INMT: variants seen among roughly 807,000 people sequenced by gnomAD.
INMT encodes amine N-methyltransferase.
Under a neutral mutation model 11.5 loss-of-function variants are expected in INMT, and 11 were observed. The ratio of observed to expected loss-of-function variants is 0.95; its 90% CI spans 0.60 to 1.58. The LOEUF (loss-of-function observed/expected upper bound fraction) is 1.58, where lower values mean the gene tolerates loss of function less well. Among genes scored for constraint, INMT ranks in the 40% most tolerant of loss-of-function variants. The pLI, the probability that INMT is intolerant of heterozygous loss-of-function variation, is 0.00. For synonymous variants in INMT, 155 were observed against 142.9 expected (o/e 1.08, Z -0.60); for missense variants, 316 against 336.1 (o/e 0.94, Z 0.47).
rs58472657 is a variant in INMT at position 30,756,402 on chromosome 7, A to ATTTTTTTTTTTTTTTTTT, written c.*553_*570dup. Reference sequence around the variant, plus strand: ...AGGAGCTCGCCACCACACCCAGCTAATTTTTTTTTTTTTTTTTTTATTTGA... The same window carrying ATTTTTTTTTTTTTTTTTT: ...AGGAGCTCGCCACCACACCCAGCTAATTTTTTTTTTTTTTTTTTTTTTTTTTTTTTTTTTTTTATTTGA... On this transcript the variant is annotated 3_prime_UTR_variant, in exon 3 of 3. Coordinates refer to ENST00000013222, the MANE Select transcript of INMT (RefSeq NM_006774.5). The ATTTTTTTTTTTTTTTTTT allele has an allele frequency of 2.4e-4, 23 of 95,610 alleles. 1 individual carries two copies. Among genetic ancestry groups the ATTTTTTTTTTTTTTTTTT allele is most frequent in the African/African-American group, 1.0e-3 (23 of 22,376 alleles). 5.9% of individuals were successfully genotyped at this position (95,610 alleles called of 1,614,324 possible).
chr7:30,757,488 A>C lies in INMT; in HGVS notation c.*1637A>C. ...CTGAAGGCAAGGGAGAGCAGGCTGC[A>C]CAGCTGTGTGTGGAAGCCACGGGCT... On this transcript the variant is annotated 3_prime_UTR_variant, in exon 3 of 3. Transcript: ENST00000013222. The C allele has an allele frequency of 5.7e-6, 1 of 175,492 alleles. No individual in the cohort carries two copies. The highest frequency in any genetic ancestry group is 1.1e-4 in the South Asian group (1 of 9,116). The allele number at this position is 175,492 out of a possible 1,614,324, so 10.9% of individuals were successfully genotyped here. A position where few individuals can be genotyped will look rare whatever the true frequency, so the allele number is the denominator to read the frequency against.
Position 30,756,734 on chromosome 7 carries a change from A to G in INMT, c.*883A>G, listed in dbSNP as rs1786273286. The G allele has an allele frequency of 6.6e-6, 1 of 152,242 alleles. No individual in the cohort carries two copies. The highest frequency in any genetic ancestry group is 6.5e-5 in the Admixed American group (1 of 15,276). 9.4% of individuals were successfully genotyped at this position (152,242 alleles called of 1,614,324 possible). On this transcript the variant is annotated 3_prime_UTR_variant, in exon 3 of 3. Transcript: ENST00000013222. ...GGGAATGTTCTATAACCAGCTCTGT[A>G]AAGGAAAAGCACTGATGTGTGGTAG...
In INMT at chr7:30,756,083, C is replaced by A; in HGVS notation, c.*232C>A. 1 of 1,348,868 alleles carries A rather than the reference C, an allele frequency of 7.4e-7. No individual in the cohort carries two copies. The highest frequency in any genetic ancestry group is 9.5e-7 in the Non-Finnish European group (1 of 1,051,060). The allele number at this position is 1,348,868 out of a possible 1,614,324, so 83.6% of individuals were successfully genotyped here. On this transcript the variant is annotated 3_prime_UTR_variant, in exon 3 of 3. Transcript: ENST00000013222. ...CCATTTTCTAATATACTAAGCCTTA[C>A]AGCTATCTTAGATGCGATCTGACTC...
intron 1 of INMT, 98 bp downstream of exon 1, chr7:30,752,402 G>C: frequency 3.0e-6 from 3 of 1,011,152 alleles, no homozygotes; most frequent in Non-Finnish European, 4.4e-6. Context: ...CTCCTCTAGG[G>C]GTTTTTGGGG....
At position 30,755,801 on chromosome 7, in the gene INMT, GC is replaced by G. The variant is rs1786227806; in HGVS notation, c.744del (p.Asn249ThrfsTer28). 1 of 1,614,014 alleles carries G rather than the reference GC, an allele frequency of 6.2e-7. No homozygotes were observed. Among genetic ancestry groups the G allele is most frequent in the African/African-American group, 1.3e-5 (1 of 75,056 alleles). ...CCAGAGCTACTCTGTCACCAATGCT[GC>G]CAACAATGGGGTCTGCTTCATTGTG... is the stretch of plus-strand genomic sequence containing the variant. ...SPQSYSVTNA[A>X]NNGVCFIVAR... is the part of the protein sequence containing the mutation. On this transcript the variant is annotated frameshift_variant, in exon 3 of 3. Transcript: ENST00000013222. LOFTEE classifies it low-confidence loss of function (END_TRUNC).
chr7:30,756,402 A>ATTTTTTTTTTTTTTTTT lies in INMT; in HGVS notation c.*554_*570dup, dbSNP rs58472657. The ATTTTTTTTTTTTTTTTT allele has an allele frequency of 5.4e-4, 52 of 95,602 alleles. 1 individual carries two copies. Among genetic ancestry groups the ATTTTTTTTTTTTTTTTT allele is most frequent in the African/African-American group, 2.2e-3 (50 of 22,368 alleles). 5.9% of individuals were successfully genotyped at this position (95,602 alleles called of 1,614,324 possible). On this transcript the variant is annotated 3_prime_UTR_variant, in exon 3 of 3. Coordinates refer to ENST00000013222, the MANE Select transcript of INMT (RefSeq NM_006774.5). Reference sequence around the variant, plus strand: ...AGGAGCTCGCCACCACACCCAGCTAATTTTTTTTTTTTTTTTTTTATTTGA... The same window carrying ATTTTTTTTTTTTTTTTT: ...AGGAGCTCGCCACCACACCCAGCTAATTTTTTTTTTTTTTTTTTTTTTTTTTTTTTTTTTTTATTTGA...
chr7:30,752,862 G>A (rs530327534), intron 1 of INMT, among the ~76,000 whole-genome samples: 3 of 152,238 alleles, frequency 2.0e-5, no homozygotes, highest in South Asian at 2.1e-4. Flanking sequence ...CCTGTCTCCC[G>A]ATGATCACTG....
rs58472657 is a variant in INMT at position 30,756,402 on chromosome 7, A to ATTTTTTTTTTTTTTTTTTTTTTTTTTTTT, written c.*570_*571insTTTTTTTTTTTTTTTTTTTTTTTTTTTTT. The ATTTTTTTTTTTTTTTTTTTTTTTTTTTTT allele has an allele frequency of 1.0e-5, 1 of 95,636 alleles. No individual in the cohort carries two copies. Among genetic ancestry groups the ATTTTTTTTTTTTTTTTTTTTTTTTTTTTT allele is most frequent in the African/African-American group, 4.5e-5 (1 of 22,344 alleles). 5.9% of individuals were successfully genotyped at this position (95,636 alleles called of 1,614,324 possible). A position where few individuals can be genotyped will look rare whatever the true frequency, so the allele number is the denominator to read the frequency against. On this transcript the variant is annotated 3_prime_UTR_variant, in exon 3 of 3. Coordinates refer to ENST00000013222, the MANE Select transcript of INMT (RefSeq NM_006774.5). Reference sequence around the variant, plus strand: ...AGGAGCTCGCCACCACACCCAGCTAATTTTTTTTTTTTTTTTTTTATTTGA... The same window carrying ATTTTTTTTTTTTTTTTTTTTTTTTTTTTT: ...AGGAGCTCGCCACCACACCCAGCTAATTTTTTTTTTTTTTTTTTTTTTTTTTTTTTTTTTTTTTTTTTTTTTTTATTTGA...
Position 30,756,205 on chromosome 7 carries a change from A to G in INMT, c.*354A>G, listed in dbSNP as rs931681536. ...TGAGTCTACCTAATATGTTAAGGAC[A>G]AGGAAACCTCTGGACAGTGGTATAT... On this transcript the variant is annotated 3_prime_UTR_variant, in exon 3 of 3. Transcript: ENST00000013222. 1.6e-5 allele frequency: 17 copies of G among 1,041,568 alleles called. No homozygotes were observed. In the African/African-American group the frequency reaches 2.7e-4, roughly 16 times the overall value. 64.5% of individuals were successfully genotyped at this position (1,041,568 alleles called of 1,614,324 possible).
At chr7:30,752,522 A>G (rs771848862) in intron 1 of INMT, among the ~76,000 whole-genome samples, 2 of 152,148 alleles carry the variant, frequency 1.3e-5, no homozygotes, top group Non-Finnish European at 2.9e-5. Flanking sequence ...GCTGAAGAGC[A>G]CAGCCCCGTG....
Position 30,754,288 on chromosome 7 carries a change from C to T in INMT, c.362+350C>T, listed in dbSNP as rs146244147. On this transcript the variant is annotated intron_variant, in intron 2 of 2. Transcript: ENST00000013222. This position sits in a 1 kb window ranked among gnomAD's most constrained non-coding sequence, Gnocchi z 4.9. ...AACTATCCGTGCATATCCATCCATC[C>T]GTCCACCCACCGGTTCATCCATTCA... 2.2e-4 allele frequency among the ~76,000 whole-genome samples: 34 copies of T among 152,242 alleles called. No homozygotes were observed. The highest frequency in any genetic ancestry group is 7.2e-4 in the African/African-American group (30 of 41,542).
Position 30,754,949 on chromosome 7 carries a change from C to CA in INMT, c.363-471dup, listed in dbSNP as rs1478180334. 6.6e-6 allele frequency among the ~76,000 whole-genome samples: 1 copy of CA among 152,134 alleles called. No individual in the cohort carries two copies. The highest frequency in any genetic ancestry group is 1.5e-5 in the Non-Finnish European group (1 of 68,030). ...TCTTGCATACTTATGTATATCTAAA[C>CA]AATCTATAATTTAGTTTTAGTCGCC... On this transcript the variant is annotated intron_variant, in intron 2 of 2. Transcript: ENST00000013222. This position sits in a 1 kb window ranked among gnomAD's most constrained non-coding sequence, Gnocchi z 4.9.
At chr7:30,753,605 C>A in intron 1 of INMT, 126 bp from the exon 2 acceptor site, 1 of 809,964 alleles carries the variant, frequency 1.2e-6, no homozygotes, top group Non-Finnish European at 2.1e-6. Flanking sequence ...CAGGGAGCTG[C>A]CAATCCGTGA....
chr7:30,752,225 C>G lies in INMT; in HGVS notation c.75C>G (p.Tyr25Ter), dbSNP rs762591313. The G allele has an allele frequency of 6.2e-7, 1 of 1,614,126 alleles. No individual in the cohort carries two copies. The highest frequency in any genetic ancestry group is 1.7e-5 in the Admixed American group (1 of 60,020). ...CCAGGGACTACTTGGCTACTTACTACAGCTTCGATGGCAGCCCCTCACCCG... is the reference window on the plus strand; with the variant it reads ...CCAGGGACTACTTGGCTACTTACTAGAGCTTCGATGGCAGCCCCTCACCCG... ...FLPRDYLATY[Y>*]SFDGSPSPEA... Residue 25 changes from tyrosine to a stop codon, truncating the protein, a stop_gained, in exon 1 of 3, where the codon TAC (tyrosine) becomes TAG (stop). Coordinates refer to ENST00000013222, the MANE Select transcript of INMT (RefSeq NM_006774.5). LOFTEE classifies it high-confidence loss of function.
Position 30,756,186 on chromosome 7 carries a change from T to C in INMT, c.*335T>C. ...TTAAGGACAAGGAAACCTCTGAGTC[T>C]ACCTAATATGTTAAGGACAAGGAAA... On this transcript the variant is annotated 3_prime_UTR_variant, in exon 3 of 3. Transcript: ENST00000013222. 1 of 1,069,076 alleles carries C rather than the reference T, an allele frequency of 9.4e-7. No homozygotes were observed. Among genetic ancestry groups the C allele is most frequent in the Non-Finnish European group, 1.1e-6 (1 of 882,194 alleles). 66.2% of individuals were successfully genotyped at this position (1,069,076 alleles called of 1,614,324 possible).
rs1379896429 is a variant in INMT at position 30,755,691 on chromosome 7, T to G, written c.632T>G (p.Phe211Cys). The change falls in exon 3 of 3, where the codon TTT becomes TGT. Residue 211 changes from phenylalanine (F) to cysteine (C), a missense_variant. Physicochemically the swap from Phe to Cys is radical, Grantham distance 205. Transcript: ENST00000013222. ...TCCTACATGGTGGGGAAGCGTGAAT[T>G]TTCCTGCGTGGCCCTGGAGAAAGAG... ...LPSYMVGKREFSCVALEKEEV... is the reference protein window; with the variant it reads ...LPSYMVGKRECSCVALEKEEV... The G allele has an allele frequency of 8.1e-6, 13 of 1,614,084 alleles. No homozygotes were observed. Among genetic ancestry groups the G allele is most frequent in the Admixed American group, 1.7e-5 (1 of 60,014 alleles).
Position 30,755,950 on chromosome 7 carries a change from T to C in INMT, c.*99T>C, listed in dbSNP as rs1010455621. 3.4e-6 allele frequency: 5 copies of C among 1,475,590 alleles called. No homozygotes were observed. The highest frequency in any genetic ancestry group is 4.5e-6 in the Non-Finnish European group (5 of 1,119,876). 91.4% of individuals were successfully genotyped at this position (1,475,590 alleles called of 1,614,324 possible). On this transcript the variant is annotated 3_prime_UTR_variant, in exon 3 of 3. Transcript: ENST00000013222. ...ATGGATACTGTCTAACAGTCTCTGA[T>C]TTCAACACTAACATTCCATCTTCTG... is the stretch of plus-strand genomic sequence containing the variant.
At position 30,754,871 on chromosome 7, in the gene INMT, T is replaced by C. The variant is rs1425684937; in HGVS notation, c.363-551T>C. 1.3e-5 allele frequency among the ~76,000 whole-genome samples: 2 copies of C among 152,250 alleles called. No homozygotes were observed. The highest frequency in any genetic ancestry group is 2.9e-5 in the Non-Finnish European group (2 of 68,036). On this transcript the variant is annotated intron_variant, in intron 2 of 2. Coordinates refer to ENST00000013222, the MANE Select transcript of INMT (RefSeq NM_006774.5). The surrounding 1 kb of genome is among the most constrained non-coding windows in gnomAD (Gnocchi z 4.9). ...TGCCTCTGCCTTTCCCAACCTCGGG[T>C]AATCACTAATATGGATTTTATGCTT...
At position 30,755,848 on chromosome 7, in the gene INMT, C is replaced by G; in HGVS notation, c.789C>G (p.Pro263=). 1 of 1,605,420 alleles carries G rather than the reference C, an allele frequency of 6.2e-7. No individual in the cohort carries two copies. Among genetic ancestry groups the G allele is most frequent in the East Asian group, 2.2e-5 (1 of 44,716 alleles). The part of the protein sequence containing the change: ...CFIVARKKPG[P] ...TTGTGGCTCGCAAGAAGCCTGGGCC[C>G]TGAGCCAGGAGGGCCAGCCAGAGGT... is the stretch of plus-strand genomic sequence containing the variant. The change falls in exon 3 of 3, where the codon CCC becomes CCG. Residue 263 remains proline (P), a synonymous_variant. Coordinates refer to ENST00000013222, the MANE Select transcript of INMT (RefSeq NM_006774.5).
Sources: gnomAD v4.1 joint callset for allele counts (sites outside exome capture counted in the v4.1 genomes callset) on GRCh38, gnomAD v4.1.1 for gene constraint, Gnocchi (gnomAD v3.1) non-coding constraint, MANE v1.5 for transcripts, NCBI Gene and HGNC (gene_info 2026-07-23, HGNC 2026-07-21) for gene names.